Variants in NCAPH2 observed in about 807,000 individuals in gnomAD.
NCAPH2 encodes non-SMC condensin II complex subunit H2.
NCAPH2 carries 56 observed loss-of-function variants against 88.6 expected under a neutral mutation model. The ratio of observed to expected loss-of-function variants is 0.63; its 90% CI spans 0.51 to 0.79. The LOEUF is 0.79. Ranked by LOEUF, NCAPH2 falls within the 30% of genes least tolerant of loss-of-function variation. The pLI is 0.00. For synonymous variants in NCAPH2, 378 were observed against 313.6 expected (o/e 1.21, Z -2.17); for missense variants, 794 against 792.0 (o/e 1.00, Z -0.03).
rs757088706 is a variant in NCAPH2 at position 50,523,597 on chromosome 22, C to T, written c.*222C>T. ...ACGCAGCCCGTTTAATGATGGGGCC[C>T]AGACTGCAGTGGCTCAAGACAGGAC... On this transcript the variant is annotated 3_prime_UTR_variant, in exon 20 of 20. Coordinates refer to ENST00000420993, the MANE Select transcript of NCAPH2 (RefSeq NM_152299.4). 2.5e-5 allele frequency: 40 copies of T among 1,612,622 alleles called. No individual in the cohort carries two copies. The African/African-American group carries it at 4.9e-4, about 20-fold the overall frequency.
rs2068986471 is a variant in NCAPH2, at chr22:50,518,289, G to T, written c.646+11G>T. On this transcript the variant is annotated intron_variant, in intron 7 of 19. Coordinates refer to ENST00000420993, the MANE Select transcript of NCAPH2 (RefSeq NM_152299.4). The stretch of plus-strand genomic sequence containing the variant: ...CAGGGACCCAGAAGGGTGAGGGCTT[G>T]GATGCGGGGGGCTTGGTGGGAAGGA... 6.2e-7 allele frequency: 1 copy of T among 1,610,078 alleles called. No individual in the cohort carries two copies. The highest frequency in any genetic ancestry group is 1.3e-5 in the African/African-American group (1 of 74,832).
chr22:50,520,482 G>A (rs2069055326), intron 9 of NCAPH2: 1 of 151,346 alleles, frequency 6.6e-6, no homozygotes, highest in South Asian at 2.0e-4. Context: ...TTGAACTCCT[G>A]GGCTCAAGTG....
intron 1 of NCAPH2, among the ~76,000 whole-genome samples, chr22:50,511,465 A>AT (rs557607992): frequency 4.2e-5 from 5 of 120,196 alleles, no homozygotes; most frequent in Non-Finnish European, 8.5e-5. Flanking sequence ...AATTTTTTGT[A>AT]TTTTTTTAGT....
intron 9 of NCAPH2, chr22:50,519,523 C>G: frequency 7.1e-7 from 1 of 1,415,700 alleles, no homozygotes; most frequent in Non-Finnish European, 9.2e-7. Context: ...CCTCTCTGAG[C>G]AGAACTGATG....
At chr22:50,519,833 C>G in intron 9 of NCAPH2, 1 of 899,236 alleles carries the variant, frequency 1.1e-6, no homozygotes, top group South Asian at 5.1e-5. Context: ...TTCATTTTTC[C>G]TAGTTTTGAA....
chr22:50,515,911 C>A, intron 1 of NCAPH2: 2 of 728,538 alleles, frequency 2.7e-6, no homozygotes, highest in Non-Finnish European at 3.9e-6. Context: ...GCAGCTTGGG[C>A]ATGGGATGAA....
Position 50,524,063 on chromosome 22 carries a change from C to A in NCAPH2, c.*688C>A. 6.2e-7 allele frequency: 1 copy of A among 1,613,332 alleles called. No individual in the cohort carries two copies. The highest frequency in any genetic ancestry group is 1.1e-5 in the South Asian group (1 of 91,090). On this transcript the variant is annotated 3_prime_UTR_variant, in exon 20 of 20. Coordinates refer to ENST00000420993, the MANE Select transcript of NCAPH2 (RefSeq NM_152299.4). ...AGCACCCACTGGCCCCGGAAGTCAG[C>A]CTTGCAGCGAGCCCGGCCTCTGTGA... is the stretch of plus-strand genomic sequence containing the variant.
intron 1 of NCAPH2, among the ~76,000 whole-genome samples, chr22:50,509,860 C>T (rs901603187): frequency 6.6e-6 from 1 of 152,160 alleles, no homozygotes; most frequent in Admixed American, 6.6e-5. Context: ...ATGGCCCCTC[C>T]AAGCTTTTTC....
At chr22:50,521,404 C>T in intron 10 of NCAPH2, 139 bp from the exon 11 acceptor site, 1 of 880,156 alleles carries the variant, frequency 1.1e-6, no homozygotes, top group Non-Finnish European at 1.8e-6. Flanking sequence ...GGCTGTGCAC[C>T]CCCTACTCCT....
At chr22:50,522,085 T>TACCTCTTCCCCC (rs775937731) in intron 13 of NCAPH2, 46 bp downstream of exon 13, 207 of 1,613,232 alleles carry the variant, frequency 1.3e-4, no homozygotes, top group Non-Finnish European at 2.1e-5. Flanking sequence ...CTCCTTCCCC[T>TACCTCTTCCCCC]ACCTCTTCCC....
chr22:50,524,583 T>G lies in NCAPH2; in HGVS notation c.*1208T>G. 1 of 737,238 alleles carries G rather than the reference T, an allele frequency of 1.4e-6. No individual in the cohort carries two copies. The highest frequency in any genetic ancestry group is 1.5e-5 in the South Asian group (1 of 67,136). The allele number at this position is 737,238 out of a possible 1,614,324, so 45.7% of individuals were successfully genotyped here. On this transcript the variant is annotated 3_prime_UTR_variant, in exon 20 of 20. Transcript: ENST00000420993. ...GCTCACCTGAGCTCAGAACTCCACC[T>G]CCACCAAACATCCACACCTGGGCAA...
Position 50,524,728 on chromosome 22 carries a change from T to C in NCAPH2, c.*1353T>C. The C allele has an allele frequency of 1.7e-6, 1 of 583,100 alleles. No homozygotes were observed. The allele number at this position is 583,100 out of a possible 1,614,324, so 36.1% of individuals were successfully genotyped here. Reference sequence around the variant, plus strand: ...ACGGAAAGCATTCCAAGTGCATGCCTTGCCTGAACTAACCACGTTATCTAT... The same window carrying C: ...ACGGAAAGCATTCCAAGTGCATGCCCTGCCTGAACTAACCACGTTATCTAT... On this transcript the variant is annotated 3_prime_UTR_variant, in exon 20 of 20. Transcript: ENST00000420993.
intron 1 of NCAPH2, among the ~76,000 whole-genome samples, chr22:50,512,210 G>A (rs1016493554): frequency 6.6e-6 from 1 of 152,244 alleles, no homozygotes; most frequent in African/African-American, 2.4e-5. Flanking sequence ...CTGGCACATA[G>A]GTGTGGACGT....
At chr22:50,510,320 C>G (rs1025839135) in intron 1 of NCAPH2, among the ~76,000 whole-genome samples, 2 of 152,068 alleles carry the variant, frequency 1.3e-5, no homozygotes, top group African/African-American at 4.8e-5. Flanking sequence ...AGGCTGGTCT[C>G]AAACTGCTGT....
In NCAPH2 at chr22:50,517,423, C is replaced by G; in HGVS notation, c.211-4C>G. 2 of 1,614,008 alleles carry G rather than the reference C, an allele frequency of 1.2e-6. No individual in the cohort carries two copies. The highest frequency in any genetic ancestry group is 1.7e-6 in the Non-Finnish European group (2 of 1,180,004). On this transcript the variant is annotated splice_region_variant and splice_polypyrimidine_tract_variant and intron_variant, in intron 2 of 19. Transcript: ENST00000420993. ...GGTCCTCACTGCCTGCATCTGGTCA[C>G]CAGGTGGAATACCTCTACTCACTCG...
Position 50,521,841 on chromosome 22 carries a change from G to A in NCAPH2, c.1101G>A (p.Leu367=), listed in dbSNP as rs199643669. The A allele has an allele frequency of 1.3e-4, 206 of 1,613,916 alleles. 3 individuals are homozygous for A. In the East Asian group the frequency reaches 4.5e-3, roughly 35 times the overall value. The change falls in exon 12 of 20, where the codon CTG becomes CTA. Residue 367 remains leucine, a synonymous_variant. Coordinates refer to ENST00000420993, the MANE Select transcript of NCAPH2 (RefSeq NM_152299.4). ...TGCAGGACTTCCACCAGTGGTACCT[G>A]GCTGCCTGTGAGTGGGTGTGGTGTG... is the stretch of plus-strand genomic sequence containing the variant. ...AKLQDFHQWY[L]AAYADHADSR... is the part of the protein sequence containing the mutation.
At chr22:50,510,550 C>T (rs1048719031) in intron 1 of NCAPH2, among the ~76,000 whole-genome samples, 3 of 152,156 alleles carry the variant, frequency 2.0e-5, no homozygotes, top group Admixed American at 2.0e-4. Context: ...GCCTTGGCCT[C>T]CCGAGTAGCT....
In NCAPH2 at chr22:50,523,227, C is replaced by T. The variant is rs772259721; in HGVS notation, c.1678-8C>T. 1.5e-5 allele frequency: 25 copies of T among 1,613,170 alleles called. No individual in the cohort carries two copies. Among genetic ancestry groups the T allele is most frequent in the Admixed American group, 8.3e-5 (5 of 59,896 alleles). On this transcript the variant is annotated splice_region_variant and splice_polypyrimidine_tract_variant and intron_variant, in intron 19 of 19. Coordinates refer to ENST00000420993, the MANE Select transcript of NCAPH2 (RefSeq NM_152299.4). ...TCCCCAGACCCTGCTGATGTGCCAC[C>T]CCTGCAGGCCAATGACTACACAGTG...
intron 1 of NCAPH2, among the ~76,000 whole-genome samples, chr22:50,512,064 G>A (rs937802126): frequency 6.6e-6 from 1 of 152,226 alleles, no homozygotes; most frequent in South Asian, 2.1e-4. Context: ...GGGATTGCAG[G>A]TGTGAGCCAC....
Sources: gnomAD v4.1 joint callset for allele counts (sites outside exome capture counted in the v4.1 genomes callset) on GRCh38, gnomAD v4.1.1 for gene constraint, MANE v1.5 for transcripts, NCBI Gene and HGNC (gene_info 2026-07-23, HGNC 2026-07-21) for gene names.